ARID1B: variants seen among roughly 807,000 people sequenced by gnomAD.
ARID1B encodes the protein AT-rich interactive domain-containing protein 1B.
In ARID1B, 30 loss-of-function variants were observed where a neutral mutation model predicts 212.3. The observed-to-expected ratio is 0.14, with a 90% CI of 0.11 to 0.19. The LOEUF is 0.19. ARID1B is among the 10% of genes least tolerant of loss of function. The pLI is 1.00. For missense variants in ARID1B, 2,891 were observed against 3,204.0 expected (o/e 0.90, Z 2.36); for synonymous variants, 1,402 against 1,301.7 (o/e 1.08, Z -1.66).
rs147790082 is a variant in ARID1B, at chr6:157,039,204, A to C, written c.2248-45458A>C. Among the ~76,000 whole-genome samples the C allele has an allele frequency of 6.7e-3, 1,027 of 152,228 alleles. 5 individuals are homozygous for C. Among genetic ancestry groups the C allele is most frequent in the African/African-American group, 0.024 (981 of 41,528 alleles). On this transcript the variant is annotated intron_variant, in intron 4 of 19. Coordinates refer to ENST00000636930, the MANE Select transcript of ARID1B (RefSeq NM_001374828.1). ...AGCCTTAAATTTAATAAGTTGAAAC[A>C]ACAGTGAAAATTTTTTTCAACAATC...
chr6:156,996,961 A>G (rs1021041304), intron 4 of ARID1B, among the ~76,000 whole-genome samples: 2 of 152,060 alleles, frequency 1.3e-5, no homozygotes, highest in African/African-American at 4.8e-5. Context: ...GATGTTGAGA[A>G]GGGAAAAAAA....
rs142242164 is a variant in ARID1B, at chr6:157,077,920, C to T, written c.2248-6742C>T. Among the ~76,000 whole-genome samples, 49 of 152,292 alleles carry T rather than the reference C, an allele frequency of 3.2e-4. 1 individual carries two copies. The East Asian group carries it at 9.3e-3, about 29-fold the overall frequency. ...TGACTCTAGTACAAAAATACCTTTCCTCACATTATTCAGTATCTCACTTTT... is the reference window on the plus strand; with the variant it reads ...TGACTCTAGTACAAAAATACCTTTCTTCACATTATTCAGTATCTCACTTTT... On this transcript the variant is annotated intron_variant, in intron 4 of 19. Transcript: ENST00000636930.
chr6:156,952,340 GAATTTAT>G (rs1429437198), intron 4 of ARID1B, among the ~76,000 whole-genome samples: 1 of 152,178 alleles, frequency 6.6e-6, no homozygotes, highest in Non-Finnish European at 1.5e-5. Context: ...GTTTGTGAGT[GAATTTAT>G]GTGCTTTATT....
At chr6:157,128,570 A>G (rs1018087236) in intron 6 of ARID1B, among the ~76,000 whole-genome samples, 3 of 152,236 alleles carry the variant, frequency 2.0e-5, no homozygotes, top group African/African-American at 7.2e-5. Context: ...ACGGCAGTAT[A>G]TGGTCTATGC....
At chr6:156,785,537 A>G (rs1779574641) in intron 1 of ARID1B, among the ~76,000 whole-genome samples, 1 of 151,970 alleles carries the variant, frequency 6.6e-6, no homozygotes, top group Non-Finnish European at 1.5e-5. Flanking sequence ...TTTTTTTTAA[A>G]TAGAGGTAAG....
At chr6:156,855,567 AT>A (rs1784859305) in intron 2 of ARID1B, among the ~76,000 whole-genome samples, 2 of 152,256 alleles carry the variant, frequency 1.3e-5, no homozygotes, top group Non-Finnish European at 2.9e-5. Flanking sequence ...AGTTTGTAAA[AT>A]AATCATTTTA....
chr6:156,889,590 A>G lies in ARID1B; in HGVS notation c.1987-11786A>G, dbSNP rs527257450. ...GAAAACATCTGTAGTTCAGTGGGAG[A>G]GGAGAATACAAAATGTGTACTAGAG... On this transcript the variant is annotated intron_variant, in intron 2 of 19. Coordinates refer to ENST00000636930, the MANE Select transcript of ARID1B (RefSeq NM_001374828.1). Among the ~76,000 whole-genome samples, 14 of 152,284 alleles carry G rather than the reference A, an allele frequency of 9.2e-5. No individual in the cohort carries two copies. In the East Asian group the frequency reaches 2.3e-3, roughly 25 times the overall value.
intron 7 of ARID1B, among the ~76,000 whole-genome samples, chr6:157,146,341 GAA>G (rs1317299820): frequency 6.6e-6 from 1 of 152,154 alleles, no homozygotes; most frequent in Non-Finnish European, 1.5e-5. Flanking sequence ...AATGAAACAA[GAA>G]AAGATGCAAG....
intron 3 of ARID1B, among the ~76,000 whole-genome samples, chr6:156,932,661 T>C (rs1791844746): frequency 6.6e-6 from 1 of 152,220 alleles, no homozygotes; most frequent in South Asian, 2.1e-4. Flanking sequence ...AAAATAAATA[T>C]AGCTTTTTAA....
intron 4 of ARID1B, among the ~76,000 whole-genome samples, chr6:156,947,308 G>A (rs916157839): frequency 7.2e-5 from 11 of 152,070 alleles, no homozygotes; most frequent in African/African-American, 2.4e-4. Context: ...TCTTACTTTA[G>A]TTCATTTTGG....
At chr6:156,864,823 G>A (rs1785570604) in intron 2 of ARID1B, among the ~76,000 whole-genome samples, 1 of 152,050 alleles carries the variant, frequency 6.6e-6, no homozygotes, top group Non-Finnish European at 1.5e-5. Context: ...ATTGTGGTTT[G>A]ATCAGTCTGG....
intron 1 of ARID1B, among the ~76,000 whole-genome samples, chr6:156,815,707 C>T (rs1781917202): frequency 6.6e-6 from 1 of 152,160 alleles, no homozygotes; most frequent in African/African-American, 2.4e-5. Context: ...TAATAATTTG[C>T]CATAAATGCT....
intron 3 of ARID1B, among the ~76,000 whole-genome samples, chr6:156,921,854 GC>G (rs764320062): frequency 2.0e-5 from 3 of 151,908 alleles, no homozygotes; most frequent in Non-Finnish European, 4.4e-5. Context: ...TGTTTCTCTA[GC>G]TTTTTTTTTC....
At chr6:156,821,034 A>T (rs287881) in intron 1 of ARID1B, among the ~76,000 whole-genome samples, 27,452 of 152,226 alleles carry the variant, frequency 0.18, 2,732 homozygotes, top group Non-Finnish European at 0.22. Flanking sequence ...TGGGTGAAAT[A>T]GTATGCTGAT....
chr6:156,784,413 C>T (rs981921164), intron 1 of ARID1B, among the ~76,000 whole-genome samples: 3 of 152,176 alleles, frequency 2.0e-5, no homozygotes, highest in African/African-American at 7.2e-5. Context: ...GAATGAGACT[C>T]AATGGCCCTT....
chr6:156,960,022 C>G (rs927593708), intron 4 of ARID1B, among the ~76,000 whole-genome samples: 13 of 151,504 alleles, frequency 8.6e-5, no homozygotes, highest in South Asian at 2.1e-4. Flanking sequence ...CCTCCGCCTC[C>G]CAGATTCAAG....
intron 1 of ARID1B, among the ~76,000 whole-genome samples, chr6:156,818,098 ATTTTTTTTTTTTTT>A (rs71027317): frequency 4.9e-5 from 3 of 61,322 alleles, no homozygotes; most frequent in East Asian, 5.6e-4. Context: ...TAGTTGCCCT[ATTTTTTTTTTTTTT>A]TTTTTTTTTT....
chr6:157,002,419 A>G (rs1186709290), intron 4 of ARID1B, among the ~76,000 whole-genome samples: 1 of 152,204 alleles, frequency 6.6e-6, no homozygotes, highest in East Asian at 1.9e-4. Context: ...GAGGACTAAA[A>G]ATTTCCATAT....
chr6:157,050,619 ATTTC>A (rs1200188591), intron 4 of ARID1B, among the ~76,000 whole-genome samples: 4 of 152,310 alleles, frequency 2.6e-5, no homozygotes, highest in Admixed American at 6.5e-5. Context: ...TGCAGAAGGT[ATTTC>A]TTTATCATGT....
Sources: allele counts gnomAD v4.1 joint callset (sites outside exome capture counted in the v4.1 genomes callset), GRCh38; gene constraint gnomAD v4.1.1; transcripts MANE v1.5; gene names NCBI Gene and HGNC (gene_info 2026-07-23, HGNC 2026-07-21).